SUGCT: variants seen among roughly 807,000 people sequenced by gnomAD.
The protein encoded by SUGCT is succinyl-CoA:glutarate-CoA transferase.
In SUGCT, 41 loss-of-function variants were observed where a neutral mutation model predicts 55.0. That is an observed-to-expected ratio of 0.74 (90% CI 0.58 to 0.97). The LOEUF is 0.97. Among genes scored for constraint, SUGCT ranks in the 50% least tolerant of loss-of-function variants. The pLI is 0.00. For missense variants in SUGCT, 568 were observed against 547.8 expected (o/e 1.04, Z -0.37); for synonymous variants, 187 against 200.4 (o/e 0.93, Z 0.56).
chr7:40,953,683 A>T, the SUGCT span, among the ~76,000 whole-genome samples: 4 of 152,190 alleles, frequency 2.6e-5, no homozygotes, highest in African/African-American at 9.6e-5. Context: ...CAGGACCCTC[A>T]GCTGCAGGTC....
chr7:40,619,687 G>A (rs1339004407), intron 12 of SUGCT, among the ~76,000 whole-genome samples: 1 of 152,150 alleles, frequency 6.6e-6, no homozygotes, highest in Non-Finnish European at 1.5e-5. Flanking sequence ...GAATACACAT[G>A]AAGTAATTCC....
chr7:40,355,670 G>A (rs1797852683), intron 9 of SUGCT, among the ~76,000 whole-genome samples: 1 of 152,202 alleles, frequency 6.6e-6, no homozygotes, highest in African/African-American at 2.4e-5. Flanking sequence ...TTATTTATAA[G>A]ACAGATTTAC....
chr7:40,360,900 T>A (rs1442180102), intron 9 of SUGCT, among the ~76,000 whole-genome samples: 1 of 152,044 alleles, frequency 6.6e-6, no homozygotes, highest in Non-Finnish European at 1.5e-5. Context: ...AGGAGACCAG[T>A]TAAGGGGCTG....
intron 10 of SUGCT, among the ~76,000 whole-genome samples, chr7:40,455,084 A>C (rs1289482784): frequency 6.6e-6 from 1 of 152,158 alleles, no homozygotes; most frequent in Non-Finnish European, 1.5e-5. Context: ...TACAACATAA[A>C]ATGGGGAGAG....
chr7:40,854,716 A>G (rs1451397253), intron 13 of SUGCT, among the ~76,000 whole-genome samples: 3 of 151,972 alleles, frequency 2.0e-5, no homozygotes, highest in Non-Finnish European at 4.4e-5. Flanking sequence ...CTGAGGTAGG[A>G]CGATGAGGCC....
intron 12 of SUGCT, among the ~76,000 whole-genome samples, chr7:40,741,954 A>G (rs903500057): frequency 6.6e-6 from 1 of 152,188 alleles, no homozygotes; most frequent in Non-Finnish European, 1.5e-5. Flanking sequence ...ATTCAGGAGA[A>G]TTATATTTGG....
intron 13 of SUGCT, among the ~76,000 whole-genome samples, chr7:40,809,977 A>G (rs927600933): frequency 1.3e-5 from 2 of 152,082 alleles, no homozygotes; most frequent in African/African-American, 2.4e-5. Flanking sequence ...TTTTATGTCT[A>G]TGTAGTATTC....
intron 13 of SUGCT, among the ~76,000 whole-genome samples, chr7:40,776,947 G>GCCAAA (rs1789482495): frequency 6.6e-6 from 1 of 152,206 alleles, no homozygotes; most frequent in Non-Finnish European, 1.5e-5. Flanking sequence ...TAAATATCAA[G>GCCAAA]CCAAAGGTTG....
At chr7:40,319,790 G>A (rs931162808) in intron 9 of SUGCT, among the ~76,000 whole-genome samples, 6 of 152,092 alleles carry the variant, frequency 3.9e-5, no homozygotes, top group African/African-American at 1.4e-4. Context: ...GAACATGTTG[G>A]TGGATGCTTT....
intron 5 of SUGCT, among the ~76,000 whole-genome samples, chr7:40,190,176 A>G (rs978059600): frequency 4.6e-5 from 7 of 152,204 alleles, no homozygotes; most frequent in Non-Finnish European, 7.4e-5. Context: ...TACTGGCTAT[A>G]TGACCTCAGA....
chr7:40,448,462 A>G (rs1788983682), intron 9 of SUGCT, among the ~76,000 whole-genome samples: 1 of 152,142 alleles, frequency 6.6e-6, no homozygotes, highest in African/African-American at 2.4e-5. Flanking sequence ...ATTTTTTTGA[A>G]TCACTCTTTT....
chr7:40,828,457 G>A (rs1490657189), intron 13 of SUGCT, among the ~76,000 whole-genome samples: 1 of 151,940 alleles, frequency 6.6e-6, no homozygotes, highest in Non-Finnish European at 1.5e-5. Context: ...TGGAGAAAAG[G>A]CATCTGGAGA....
At chr7:40,359,858 A>T (rs1798063473) in intron 9 of SUGCT, among the ~76,000 whole-genome samples, 1 of 152,208 alleles carries the variant, frequency 6.6e-6, no homozygotes, top group Non-Finnish European at 1.5e-5. Flanking sequence ...TTATACTTTA[A>T]TATTTTAAAA....
At chr7:40,927,518 C>A in the SUGCT span, among the ~76,000 whole-genome samples, 1 of 152,220 alleles carries the variant, frequency 6.6e-6, no homozygotes, top group Non-Finnish European at 1.5e-5. Context: ...TAGCATTAAA[C>A]ACTTTGCATA....
chr7:40,591,586 G>C (rs1161649027), intron 12 of SUGCT, among the ~76,000 whole-genome samples: 1 of 152,206 alleles, frequency 6.6e-6, no homozygotes, highest in African/African-American at 2.4e-5. Flanking sequence ...CTATCAAATA[G>C]TATCGCATGT....
At chr7:40,926,765 T>C in the SUGCT span, among the ~76,000 whole-genome samples, 5 of 152,218 alleles carry the variant, frequency 3.3e-5, no homozygotes, top group African/African-American at 1.2e-4. Context: ...TGATCTTGGA[T>C]TTCCCAGCCT....
At chr7:40,982,570 A>G in the SUGCT span, among the ~76,000 whole-genome samples, 1 of 152,208 alleles carries the variant, frequency 6.6e-6, no homozygotes, top group African/African-American at 2.4e-5. Flanking sequence ...TAACTGCATT[A>G]GAACCACCTT....
chr7:40,861,838 C>G (rs1401456646), downstream of SUGCT, among the ~76,000 whole-genome samples: 1 of 152,182 alleles, frequency 6.6e-6, no homozygotes, highest in Non-Finnish European at 1.5e-5. Flanking sequence ...CTGAAGAACT[C>G]TTGCTGTTAT....
At chr7:41,032,684 G>T in the SUGCT span, among the ~76,000 whole-genome samples, 1 of 152,238 alleles carries the variant, frequency 6.6e-6, no homozygotes, top group Admixed American at 6.5e-5. Flanking sequence ...TGCCACCTCT[G>T]AGTGACACAG....
Sources: allele counts gnomAD v4.1 joint callset (sites outside exome capture counted in the v4.1 genomes callset), GRCh38; gene constraint gnomAD v4.1.1; transcripts MANE v1.5; gene names NCBI Gene and HGNC (gene_info 2026-07-23, HGNC 2026-07-21).